CTNNA3: variants seen among roughly 807,000 people sequenced by gnomAD.
The protein encoded by CTNNA3 is catenin alpha-3.
A neutral mutation model predicts 95.7 loss-of-function variants in CTNNA3; 76 were observed. That is an observed-to-expected ratio of 0.79 (90% CI 0.66 to 0.96). The LOEUF (loss-of-function observed/expected upper bound fraction) is 0.96. Among genes scored for constraint, CTNNA3 ranks in the 40% least tolerant of loss-of-function variants. The probability of loss-of-function intolerance (pLI) is 0.00; values close to 1 mark genes in which losing one functional copy is unlikely to be tolerated. For missense variants in CTNNA3, 1,191 were observed against 1,089.8 expected (o/e 1.09, Z -1.31); for synonymous variants, 431 against 374.4 (o/e 1.15, Z -1.74).
At chr10:66,129,894 C>T (rs868641254) in intron 13 of CTNNA3, among the ~76,000 whole-genome samples, 1 of 152,118 alleles carries the variant, frequency 6.6e-6, no homozygotes, top group South Asian at 2.1e-4. Flanking sequence ...CTTGCTTTTA[C>T]TTCCCCGACA....
intron 15 of CTNNA3, among the ~76,000 whole-genome samples, chr10:66,003,506 T>C (rs1003235342): frequency 2.0e-5 from 3 of 152,060 alleles, no homozygotes; most frequent in Admixed American, 6.6e-5. Flanking sequence ...ATAGAATTCA[T>C]AGAAGAATTT....
At chr10:66,160,572 A>T (rs2084789538) in intron 13 of CTNNA3, among the ~76,000 whole-genome samples, 1 of 152,022 alleles carries the variant, frequency 6.6e-6, no homozygotes, top group African/African-American at 2.4e-5. Flanking sequence ...ATTTTCTTAA[A>T]TTTATTGAGG....
At chr10:67,557,869 T>A (rs890659372) in intron 3 of CTNNA3, among the ~76,000 whole-genome samples, 2 of 152,108 alleles carry the variant, frequency 1.3e-5, no homozygotes, top group Non-Finnish European at 2.9e-5. Flanking sequence ...CCTATGATAC[T>A]AGGAACTGGG....
intron 11 of CTNNA3, among the ~76,000 whole-genome samples, chr10:66,494,183 C>T (rs1000524153): frequency 6.6e-6 from 1 of 152,182 alleles, no homozygotes; most frequent in Non-Finnish European, 1.5e-5. Context: ...GCTGGGATTA[C>T]AGGCGTGAGC....
At chr10:66,941,332 C>T (rs1286628391) in intron 7 of CTNNA3, among the ~76,000 whole-genome samples, 1 of 152,102 alleles carries the variant, frequency 6.6e-6, no homozygotes, top group African/African-American at 2.4e-5. Flanking sequence ...ATACATTTCT[C>T]GAGTGCATTT....
At chr10:67,152,745 C>G (rs1198171839) in intron 7 of CTNNA3, among the ~76,000 whole-genome samples, 1 of 151,736 alleles carries the variant, frequency 6.6e-6, no homozygotes, top group African/African-American at 2.4e-5. Context: ...ACTTGTTATA[C>G]TTTGCCAAAG....
intron 11 of CTNNA3, among the ~76,000 whole-genome samples, chr10:66,384,448 TTAGAGACA>T (rs1395626200): frequency 6.6e-6 from 1 of 152,154 alleles, no homozygotes; most frequent in Non-Finnish European, 1.5e-5. Context: ...AAGCAAGTCC[TTAGAGACA>T]TACAAAAAGA....
At chr10:66,229,370 G>A (rs908869876) in intron 13 of CTNNA3, among the ~76,000 whole-genome samples, 14 of 152,138 alleles carry the variant, frequency 9.2e-5, no homozygotes, top group South Asian at 2.1e-4. Flanking sequence ...TCACATCCAC[G>A]TGTCAGGCTC....
chr10:66,955,884 G>A (rs1020844354), intron 7 of CTNNA3, among the ~76,000 whole-genome samples: 3 of 152,090 alleles, frequency 2.0e-5, no homozygotes, highest in East Asian at 1.9e-4. Context: ...ATCTGACTGG[G>A]GGGTATCTTT....
chr10:67,472,181 G>C (rs555479847), intron 5 of CTNNA3, among the ~76,000 whole-genome samples: 28 of 152,232 alleles, frequency 1.8e-4, no homozygotes, highest in Non-Finnish European at 5.9e-5. Flanking sequence ...TTGATTTACA[G>C]CAGCCTACAC....
chr10:67,402,140 A>T (rs1844946597), intron 5 of CTNNA3, among the ~76,000 whole-genome samples: 2 of 152,224 alleles, frequency 1.3e-5, no homozygotes, highest in African/African-American at 4.8e-5. Context: ...GATGGCAAAG[A>T]AGCTCATTGA....
At chr10:67,318,504 C>T (rs1457669197) in intron 5 of CTNNA3, among the ~76,000 whole-genome samples, 2 of 152,130 alleles carry the variant, frequency 1.3e-5, no homozygotes, top group Non-Finnish European at 2.9e-5. Context: ...CATGCATAAA[C>T]CAAAGAACAA....
At chr10:66,060,423 CTA>C (rs1319709540) in intron 15 of CTNNA3, among the ~76,000 whole-genome samples, 2 of 152,102 alleles carry the variant, frequency 1.3e-5, no homozygotes, top group South Asian at 4.1e-4. Flanking sequence ...CTCACTAAAA[CTA>C]TATATGAGTT....
At chr10:66,990,079 T>C (rs1416543781) in intron 7 of CTNNA3, among the ~76,000 whole-genome samples, 2 of 152,218 alleles carry the variant, frequency 1.3e-5, no homozygotes, top group Non-Finnish European at 2.9e-5. Flanking sequence ...TGAGATGGGT[T>C]GGAGAAGTCT....
intron 9 of CTNNA3, among the ~76,000 whole-genome samples, chr10:66,707,901 T>C (rs1346807063): frequency 6.6e-6 from 1 of 152,136 alleles, no homozygotes; most frequent in African/African-American, 2.4e-5. Flanking sequence ...TTAAACCTTT[T>C]CAAAATGTAT....
chr10:67,003,430 G>A (rs1218963986), intron 7 of CTNNA3, among the ~76,000 whole-genome samples: 1 of 152,022 alleles, frequency 6.6e-6, no homozygotes, highest in Non-Finnish European at 1.5e-5. Flanking sequence ...TCAGTCTTAG[G>A]GGATATTGCT....
At chr10:67,110,839 G>A (rs1437987769) in intron 7 of CTNNA3, among the ~76,000 whole-genome samples, 1 of 152,070 alleles carries the variant, frequency 6.6e-6, no homozygotes, top group African/African-American at 2.4e-5. Context: ...AAGAAAATAA[G>A]GAAAAGAGAA....
At chr10:67,158,429 C>A (rs1861400085) in intron 7 of CTNNA3, among the ~76,000 whole-genome samples, 1 of 152,020 alleles carries the variant, frequency 6.6e-6, no homozygotes, top group Non-Finnish European at 1.5e-5. Context: ...TCTGGCCTGG[C>A]AAAAAACTCA....
intron 12 of CTNNA3, among the ~76,000 whole-genome samples, chr10:66,317,097 A>C (rs1226903838): frequency 6.6e-6 from 1 of 152,182 alleles, no homozygotes; most frequent in Admixed American, 6.5e-5. Context: ...TATCAAATGT[A>C]AGTGAAATTT....
Sources: gnomAD v4.1 joint callset for allele counts (sites outside exome capture counted in the v4.1 genomes callset) on GRCh38, gnomAD v4.1.1 for gene constraint, MANE v1.5 for transcripts, NCBI Gene and HGNC (gene_info 2026-07-23, HGNC 2026-07-21) for gene names.